WDR70: variants seen among roughly 807,000 people sequenced by gnomAD.
WDR70 encodes WD repeat-containing protein 70.
WDR70 carries 53 observed loss-of-function variants against 88.6 expected under a neutral mutation model. That is an observed-to-expected ratio of 0.60 (90% CI 0.48 to 0.75). WDR70 has a LOEUF of 0.75. WDR70 is among the 30% of genes least tolerant of loss of function. The pLI is 0.00. For synonymous variants in WDR70, 280 were observed against 270.0 expected (o/e 1.04, Z -0.36); for missense variants, 610 against 823.2 (o/e 0.74, Z 3.17).
At chr5:37,701,163 A>C (rs985634820) in intron 12 of WDR70, 21 bp downstream of exon 12, 20 of 1,456,642 alleles carry the variant, frequency 1.4e-5, no homozygotes, top group Admixed American at 5.0e-5. Context: ...TATTTTAAAT[A>C]TTTGATCAGC....
chr5:37,483,641 C>T (rs4869513), intron 8 of WDR70, among the ~76,000 whole-genome samples: 15,665 of 151,922 alleles, frequency 0.1, 945 homozygotes, highest in South Asian at 0.19. Context: ...GGGTGGTGGC[C>T]GGGCAGAGGG....
chr5:37,737,956 A>G (rs1748349753), intron 17 of WDR70, among the ~76,000 whole-genome samples: 1 of 151,326 alleles, frequency 6.6e-6, no homozygotes, highest in Non-Finnish European at 1.5e-5. Flanking sequence ...CTAAAATATT[A>G]TATGTTCATT....
intron 10 of WDR70, among the ~76,000 whole-genome samples, chr5:37,649,742 T>C (rs1246226052): frequency 1.8e-5 from 2 of 112,930 alleles, no homozygotes; most frequent in Non-Finnish European, 3.6e-5. Context: ...TCTTTTTTTT[T>C]TTTTTTTTTT....
At chr5:37,436,055 A>G (rs533761618) in intron 5 of WDR70, among the ~76,000 whole-genome samples, 1 of 152,252 alleles carries the variant, frequency 6.6e-6, no homozygotes, top group South Asian at 2.1e-4. Context: ...ATGCCATAGA[A>G]ATGCATAAGA....
intron 13 of WDR70, among the ~76,000 whole-genome samples, chr5:37,705,958 G>T (rs1407597810): frequency 6.6e-6 from 1 of 152,168 alleles, no homozygotes; most frequent in African/African-American, 2.4e-5. Flanking sequence ...ACCCCTACAT[G>T]CTTATATTCT....
chr5:37,445,810 A>C (rs1426993514), intron 7 of WDR70, among the ~76,000 whole-genome samples: 2 of 152,232 alleles, frequency 1.3e-5, no homozygotes, highest in Non-Finnish European at 2.9e-5. Flanking sequence ...AGAGCTATTT[A>C]TGAGAAACCC....
intron 10 of WDR70, among the ~76,000 whole-genome samples, chr5:37,650,467 G>T (rs1745371453): frequency 6.6e-6 from 1 of 152,126 alleles, no homozygotes; most frequent in African/African-American, 2.4e-5. Context: ...GGACTACTTG[G>T]TAAAGAGTCA....
At chr5:37,451,320 TTGA>T (rs1263046008) in intron 7 of WDR70, among the ~76,000 whole-genome samples, 6 of 152,194 alleles carry the variant, frequency 3.9e-5, no homozygotes, top group African/African-American at 1.4e-4. Flanking sequence ...GGGTCATCAC[TTGA>T]TGATTCCAGT....
intron 10 of WDR70, among the ~76,000 whole-genome samples, chr5:37,649,402 G>A (rs1369608358): frequency 6.6e-6 from 1 of 150,650 alleles, no homozygotes; most frequent in Non-Finnish European, 1.5e-5. Flanking sequence ...ACATATGGAA[G>A]TAACATGTTC....
intron 3 of WDR70, among the ~76,000 whole-genome samples, chr5:37,384,015 G>A (rs746947589): frequency 4.6e-5 from 7 of 151,956 alleles, no homozygotes; most frequent in African/African-American, 1.2e-4. Context: ...AGATGATTTC[G>A]AAGCAAATCT....
At chr5:37,524,010 T>C (rs190771542) in intron 9 of WDR70, among the ~76,000 whole-genome samples, 4 of 152,338 alleles carry the variant, frequency 2.6e-5, no homozygotes, top group African/African-American at 9.6e-5. Flanking sequence ...CTGATTGGTG[T>C]ACCTGAAAGT....
chr5:37,548,758 G>A (rs1315755648), intron 9 of WDR70, among the ~76,000 whole-genome samples: 1 of 152,136 alleles, frequency 6.6e-6, no homozygotes, highest in Non-Finnish European at 1.5e-5. Flanking sequence ...TTTTCTCGTA[G>A]TATTTTCATA....
At chr5:37,413,922 G>A (rs1218701294) in intron 5 of WDR70, among the ~76,000 whole-genome samples, 1 of 151,930 alleles carries the variant, frequency 6.6e-6, no homozygotes, top group Non-Finnish European at 1.5e-5. Context: ...AAGGCGGATG[G>A]ATCACCTGAG....
intron 2 of WDR70, 36 bp downstream of exon 2, chr5:37,379,590 G>A: frequency 1.2e-6 from 2 of 1,610,960 alleles, no homozygotes; most frequent in Non-Finnish European, 1.7e-6. Context: ...CCTCTTCCTT[G>A]TGCAGAGGTT....
chr5:37,418,521 C>T (rs934006992), intron 5 of WDR70, among the ~76,000 whole-genome samples: 2 of 151,914 alleles, frequency 1.3e-5, no homozygotes, highest in Admixed American at 6.6e-5. Context: ...GGGGTTTCAC[C>T]GTGTTAGCCA....
rs1252344556 is a variant in WDR70 at position 37,501,136 on chromosome 5, C to T, written c.841-15378C>T. Among the ~76,000 whole-genome samples, 9 of 151,978 alleles carry T rather than the reference C, an allele frequency of 5.9e-5. No individual in the cohort carries two copies. In the East Asian group the frequency reaches 1.4e-3, roughly 23 times the overall value. ...TTCTTGCTGATTTGTTTGAGTTCCT[C>T]GTAGATTCTGGATATTAGTGCTTTC... On this transcript the variant is annotated intron_variant, in intron 8 of 17. Transcript: ENST00000265107.
chr5:37,677,659 G>A (rs1746276275), intron 10 of WDR70, among the ~76,000 whole-genome samples: 1 of 149,476 alleles, frequency 6.7e-6, no homozygotes, highest in African/African-American at 2.5e-5. Context: ...TTCCAACTAT[G>A]TGGTCAATTT....
intron 10 of WDR70, among the ~76,000 whole-genome samples, chr5:37,696,578 G>A (rs934181010): frequency 3.3e-5 from 5 of 152,144 alleles, no homozygotes; most frequent in Admixed American, 1.3e-4. Context: ...CCTGTCTTTC[G>A]CTATGGAATT....
intron 7 of WDR70, among the ~76,000 whole-genome samples, chr5:37,460,672 C>T (rs1738964002): frequency 3.0e-5 from 1 of 33,154 alleles, no homozygotes; most frequent in South Asian, 3.1e-3. Flanking sequence ...CACATGTACC[C>T]TAAAACTTAG....
Sources: allele counts gnomAD v4.1 joint callset (sites outside exome capture counted in the v4.1 genomes callset), GRCh38; gene constraint gnomAD v4.1.1; transcripts MANE v1.5; gene names NCBI Gene and HGNC (gene_info 2026-07-23, HGNC 2026-07-21).